Variants in CFAP95 observed in about 807,000 individuals in gnomAD.
CFAP95 encodes the protein cilia and flagella associated protein 95, also known as cilia- and flagella-associated protein 95.
At chr9:69,886,935 T>C in the CFAP95 span, 2 of 1,511,290 alleles carry the variant, frequency 1.3e-6, no homozygotes, top group Admixed American at 1.7e-5. Context: ...ATTTGTGTAC[T>C]TGAAATGATT....
At chr9:69,898,774 G>A in the CFAP95 span, among the ~76,000 whole-genome samples, 4 of 152,010 alleles carry the variant, frequency 2.6e-5, no homozygotes, top group Non-Finnish European at 5.9e-5. Context: ...CTTCTCTCTA[G>A]GCCATCTGTC....
At chr9:69,845,306 T>C in the CFAP95 span, among the ~76,000 whole-genome samples, 1 of 152,054 alleles carries the variant, frequency 6.6e-6, no homozygotes, top group Non-Finnish European at 1.5e-5. Context: ...GACCCCCAAA[T>C]TGGGTCCTAC....
the CFAP95 span, among the ~76,000 whole-genome samples, chr9:69,872,126 C>G: frequency 6.6e-6 from 1 of 152,212 alleles, no homozygotes; most frequent in Admixed American, 6.5e-5. Context: ...AAACTCCTAT[C>G]TGGTCTGTCT....
the CFAP95 span, chr9:69,857,962 C>T: frequency 2.3e-5 from 37 of 1,613,836 alleles, 1 homozygote; most frequent in African/African-American, 8.0e-5. Context: ...AGACATCCAC[C>T]GGATTGGAGC....
chr9:69,873,761 C>A, the CFAP95 span, among the ~76,000 whole-genome samples: 11 of 152,224 alleles, frequency 7.2e-5, no homozygotes, highest in African/African-American at 2.6e-4. Flanking sequence ...TATCTGCCCC[C>A]CATCTAGACA....
At chr9:69,881,580 T>C in the CFAP95 span, among the ~76,000 whole-genome samples, 1 of 152,232 alleles carries the variant, frequency 6.6e-6, no homozygotes, top group Non-Finnish European at 1.5e-5. Flanking sequence ...TGTAACATAA[T>C]TTGAAGTCAA....
the CFAP95 span, among the ~76,000 whole-genome samples, chr9:69,829,770 G>A: frequency 4.3e-4 from 66 of 152,304 alleles, no homozygotes; most frequent in African/African-American, 1.6e-3. Context: ...TTTTGATAAG[G>A]AGAAGTTCAC....
At chr9:69,849,158 A>T in the CFAP95 span, among the ~76,000 whole-genome samples, 2 of 152,000 alleles carry the variant, frequency 1.3e-5, no homozygotes, top group African/African-American at 2.4e-5. Flanking sequence ...AGTTATTAAT[A>T]GTTTGTCACC....
At chr9:69,867,105 T>C in the CFAP95 span, among the ~76,000 whole-genome samples, 1 of 152,176 alleles carries the variant, frequency 6.6e-6, no homozygotes, top group Admixed American at 6.5e-5. Context: ...GGATATCTGG[T>C]GTTAGTATTT....
chr9:69,883,963 T>C, the CFAP95 span, among the ~76,000 whole-genome samples: 1 of 152,184 alleles, frequency 6.6e-6, no homozygotes, highest in African/African-American at 2.4e-5. Context: ...TTCTTTAAGA[T>C]GCATCAATAG....
the CFAP95 span, among the ~76,000 whole-genome samples, chr9:69,838,163 C>T: frequency 2.8e-4 from 43 of 152,206 alleles, no homozygotes; most frequent in Non-Finnish European, 2.8e-4. Context: ...AGTCAGGTAG[C>T]GTGATGCCTC....
chr9:69,877,544 G>C, the CFAP95 span, among the ~76,000 whole-genome samples: 1 of 152,092 alleles, frequency 6.6e-6, no homozygotes, highest in African/African-American at 2.4e-5. Context: ...CAGATATTTT[G>C]TTGCAAGTAT....
the CFAP95 span, among the ~76,000 whole-genome samples, chr9:69,892,424 G>T: frequency 7.2e-5 from 11 of 152,286 alleles, 2 homozygotes; most frequent in African/African-American, 2.6e-4. Flanking sequence ...CAAGAGTTGG[G>T]CATGCAGGAA....
the CFAP95 span, among the ~76,000 whole-genome samples, chr9:69,889,830 G>A: frequency 5.9e-5 from 9 of 152,086 alleles, no homozygotes; most frequent in Non-Finnish European, 1.0e-4. Context: ...AATCTCCATA[G>A]ATAGTTCTTA....
the CFAP95 span, among the ~76,000 whole-genome samples, chr9:69,882,085 C>G: frequency 4.0e-5 from 6 of 151,728 alleles, no homozygotes; most frequent in Non-Finnish European, 7.4e-5. Context: ...CAAGTTCAAG[C>G]AATTCTCCTG....
chr9:69,842,400 T>C, the CFAP95 span, among the ~76,000 whole-genome samples: 1 of 152,192 alleles, frequency 6.6e-6, no homozygotes, highest in Non-Finnish European at 1.5e-5. Context: ...AAATCCAGAA[T>C]TGACCAATAT....
chr9:69,881,184 C>T, the CFAP95 span, among the ~76,000 whole-genome samples: 9 of 152,264 alleles, frequency 5.9e-5, no homozygotes, highest in South Asian at 1.2e-3. Flanking sequence ...TCCCATTTGT[C>T]TACTTTTGCT....
chr9:69,895,381 G>GTGT, the CFAP95 span, among the ~76,000 whole-genome samples: 5 of 150,854 alleles, frequency 3.3e-5, no homozygotes, highest in Non-Finnish European at 7.4e-5. Context: ...GTGTGTGTGT[G>GTGT]TGTGTGTGTG....
the CFAP95 span, among the ~76,000 whole-genome samples, chr9:69,880,783 A>G: frequency 2.4e-4 from 36 of 152,224 alleles, no homozygotes; most frequent in Non-Finnish European, 3.8e-4. Flanking sequence ...ACAACAGTAT[A>G]TAAGGGTTTC....
Sources: allele counts gnomAD v4.1 joint callset (sites outside exome capture counted in the v4.1 genomes callset), GRCh38; gene constraint gnomAD v4.1.1; transcripts MANE v1.5; gene names NCBI Gene and HGNC (gene_info 2026-07-23, HGNC 2026-07-21).